ELOVL7: variants seen among roughly 807,000 people sequenced by gnomAD.
ELOVL7 encodes ELOVL fatty acid elongase 7, also known as very long chain fatty acid elongase 7.
In ELOVL7, 27 loss-of-function variants were observed where a neutral mutation model predicts 35.7. The observed-to-expected ratio is 0.76, with a 90% confidence interval of 0.56 to 1.04. ELOVL7 has a LOEUF of 1.04. ELOVL7 is among the 50% of genes least tolerant of loss of function. The pLI, the probability that ELOVL7 is intolerant of heterozygous loss-of-function variation, is 0.00. For synonymous variants in ELOVL7, 113 were observed against 114.6 expected (o/e 0.99, Z 0.09); for missense variants, 327 against 340.8 (o/e 0.96, Z 0.32).
At chr5:60,843,534 G>T (rs1235788699) in intron 1 of ELOVL7, 1 of 152,416 alleles carries the variant, frequency 6.6e-6, no homozygotes. Context: ...GACAGGATGC[G>T]GCTCGGGGAG....
intron 3 of ELOVL7, among the ~76,000 whole-genome samples, chr5:60,780,139 G>A (rs1273007268): frequency 5.3e-5 from 5 of 95,046 alleles, no homozygotes; most frequent in African/African-American, 1.4e-4. Context: ...TTTTTTTTTA[G>A]ATGTAGTTTC....
intron 1 of ELOVL7, among the ~76,000 whole-genome samples, chr5:60,808,564 A>G (rs1745076143): frequency 1.3e-5 from 2 of 152,234 alleles, no homozygotes; most frequent in Non-Finnish European, 2.9e-5. Context: ...ATTGGTCAAC[A>G]CAATTCCTAT....
At chr5:60,797,939 C>G (rs111459597) in intron 2 of ELOVL7, among the ~76,000 whole-genome samples, 1,578 of 152,284 alleles carry the variant, frequency 0.01, 13 homozygotes, top group Non-Finnish European at 0.018. Context: ...AAAGGTTAAT[C>G]GGAAACTCAA....
chr5:60,819,129 A>G (rs199892994), intron 1 of ELOVL7, among the ~76,000 whole-genome samples: 1 of 6,510 alleles, frequency 1.5e-4, no homozygotes, highest in African/African-American at 6.1e-4. Flanking sequence ...AGGAGAGGAG[A>G]GGAGAGGAGA....
intron 8 of ELOVL7, among the ~76,000 whole-genome samples, chr5:60,755,386 C>T (rs1053535683): frequency 5.9e-5 from 9 of 152,106 alleles, no homozygotes; most frequent in Admixed American, 4.6e-4. Context: ...AGGCCAGACA[C>T]GGTGGCTCAC....
chr5:60,755,606 G>A (rs534522692), intron 8 of ELOVL7, among the ~76,000 whole-genome samples: 54 of 152,198 alleles, frequency 3.5e-4, no homozygotes, highest in East Asian at 9.7e-4. Flanking sequence ...GCAGTGAGCC[G>A]AGATCGTGCC....
chr5:60,792,549 G>A (rs1744001322), intron 2 of ELOVL7, among the ~76,000 whole-genome samples: 1 of 152,160 alleles, frequency 6.6e-6, no homozygotes, highest in Non-Finnish European at 1.5e-5. Context: ...ATGGGCACTT[G>A]ATTGCTAGAC....
rs139293067 is a variant in ELOVL7 at position 60,835,831 on chromosome 5, T to A, written c.-86+8329A>T. Among the ~76,000 whole-genome samples, 1,031 of 152,222 alleles carry A rather than the reference T, an allele frequency of 6.8e-3. 10 individuals carry two copies. The highest frequency in any genetic ancestry group is 0.014 in the Middle Eastern group (4 of 294). ...ATTCTTTTTTTGCACTTACGTTTCA[T>A]AAGTTCACGCATATCTAAATTATCT... On this transcript the variant is annotated intron_variant, in intron 1 of 8. Coordinates refer to ENST00000508821, the MANE Select transcript of ELOVL7 (RefSeq NM_024930.3).
At chr5:60,809,108 C>T (rs1194796072) in intron 1 of ELOVL7, among the ~76,000 whole-genome samples, 1 of 152,094 alleles carries the variant, frequency 6.6e-6, no homozygotes, top group African/African-American at 2.4e-5. Context: ...GATGATAGTA[C>T]ATGGGTGTTA....
chr5:60,827,150 A>G (rs1746214737), intron 1 of ELOVL7, among the ~76,000 whole-genome samples: 2 of 152,224 alleles, frequency 1.3e-5, no homozygotes, highest in South Asian at 4.1e-4. Context: ...CACCTAAGCT[A>G]GTAGACAAAT....
At chr5:60,762,542 C>A (rs953524932) in intron 7 of ELOVL7, among the ~76,000 whole-genome samples, 5 of 151,880 alleles carry the variant, frequency 3.3e-5, no homozygotes, top group Non-Finnish European at 4.4e-5. Context: ...GAGAAAAAAA[C>A]CACTTTTTGT....
Position 60,844,196 on chromosome 5 carries a change from G to A in ELOVL7, c.-122C>T, listed in dbSNP as rs529867461. Reference sequence around the variant, plus strand: ...CGGAGCCGAAGCGCCGGGCGCGCGCGGGAGAGAGGGCGGCGACTGGCAGCG... The same window carrying A: ...CGGAGCCGAAGCGCCGGGCGCGCGCAGGAGAGAGGGCGGCGACTGGCAGCG... On this transcript the variant is annotated 5_prime_UTR_variant, in exon 1 of 9. Coordinates refer to ENST00000508821, the MANE Select transcript of ELOVL7 (RefSeq NM_024930.3). 2 of 152,200 alleles carry A rather than the reference G, an allele frequency of 1.3e-5. No homozygotes were observed. Among genetic ancestry groups the A allele is most frequent in the South Asian group, 4.1e-4 (2 of 4,834 alleles). 9.4% of individuals were successfully genotyped at this position (152,200 alleles called of 1,614,324 possible). A position where few individuals can be genotyped will look rare whatever the true frequency, so the allele number is the denominator to read the frequency against.
chr5:60,765,131 G>A (rs184012660), intron 6 of ELOVL7, among the ~76,000 whole-genome samples: 2 of 152,270 alleles, frequency 1.3e-5, no homozygotes, highest in Admixed American at 6.5e-5. Flanking sequence ...GTTTCCTTAC[G>A]GAAGCTGGAA....
chr5:60,841,758 ATG>A (rs1171388177), intron 1 of ELOVL7, among the ~76,000 whole-genome samples: 1 of 151,840 alleles, frequency 6.6e-6, no homozygotes, highest in Non-Finnish European at 1.5e-5. Context: ...TTTTAACTTT[ATG>A]TGTTTTCATA....
intron 1 of ELOVL7, among the ~76,000 whole-genome samples, chr5:60,815,130 C>T (rs1243199336): frequency 6.6e-6 from 1 of 152,212 alleles, no homozygotes; most frequent in African/African-American, 2.4e-5. Context: ...TACTATTATA[C>T]AATAATCGGT....
chr5:60,772,923 T>A (rs1239906975), intron 3 of ELOVL7, among the ~76,000 whole-genome samples: 4 of 152,200 alleles, frequency 2.6e-5, no homozygotes, highest in African/African-American at 7.2e-5. Flanking sequence ...CTTCCACATA[T>A]ACTGTATCAC....
chr5:60,843,633 CG>C (rs1747318951), intron 1 of ELOVL7: 1 of 152,290 alleles, frequency 6.6e-6, no homozygotes, highest in African/African-American at 2.4e-5. Flanking sequence ...AAAGGGGCTC[CG>C]GAATTTGGGG....
chr5:60,830,774 T>C (rs1231591306), intron 1 of ELOVL7, among the ~76,000 whole-genome samples: 4 of 152,230 alleles, frequency 2.6e-5, no homozygotes, highest in African/African-American at 9.6e-5. Flanking sequence ...CATTCAATTC[T>C]AGAACTCTTC....
chr5:60,794,664 G>C (rs932236229), intron 2 of ELOVL7, among the ~76,000 whole-genome samples: 1 of 152,226 alleles, frequency 6.6e-6, no homozygotes, highest in East Asian at 1.9e-4. Context: ...TGGCTTTCTA[G>C]GGCATACCTT....
Sources: gnomAD v4.1 joint callset for allele counts (sites outside exome capture counted in the v4.1 genomes callset) on GRCh38, gnomAD v4.1.1 for gene constraint, MANE v1.5 for transcripts, NCBI Gene and HGNC (gene_info 2026-07-23, HGNC 2026-07-21) for gene names.